AHR: variants seen among roughly 807,000 people sequenced by gnomAD.
AHR encodes the protein AH-receptor.
Under a neutral mutation model 86.8 loss-of-function variants are expected in AHR, and 40 were observed. The observed-to-expected ratio is 0.46, with a 90% CI of 0.36 to 0.60. AHR has a LOEUF of 0.60. Ranked by LOEUF, AHR falls within the 20% of genes least tolerant of loss-of-function variation. The pLI, the probability that AHR is intolerant of heterozygous loss-of-function variation, is 0.00. For missense variants in AHR, 1,001 were observed against 1,011.6 expected, an observed-to-expected ratio of 0.99 and a Z score of 0.14; for synonymous variants, 398 against 354.9, an observed-to-expected ratio of 1.12 and a Z score of -1.37.
At chr7:17,322,685 T>C (rs772549700) in intron 3 of AHR, 78 bp downstream of exon 3, 197 of 973,518 alleles carry the variant, frequency 2.0e-4, no homozygotes, top group Non-Finnish European at 2.9e-4. Context: ...TTTTAGTAAT[T>C]CCCTGTTTAC....
chr7:17,316,454 A>G (rs570548621), intron 2 of AHR, among the ~76,000 whole-genome samples: 23 of 152,262 alleles, frequency 1.5e-4, no homozygotes, highest in African/African-American at 5.3e-4. Context: ...CCTCGTCTCC[A>G]TACAAAATAA....
Position 17,327,839 on chromosome 7 carries a change from G to T in AHR, c.441G>T (p.Gly147=). Residue 147 remains glycine, a synonymous_variant, in exon 4 of 11, where the codon GGG becomes GGT. Coordinates refer to ENST00000242057, the MANE Select transcript of AHR (RefSeq NM_001621.5). ...YASSTIQDYL[G]FQQSDVIHQS... Reference sequence around the variant, plus strand: ...CTTCTACTATACAAGATTATCTAGGGTTTCAGCAGGTAAGTATATATTATT... The same window carrying T: ...CTTCTACTATACAAGATTATCTAGGTTTTCAGCAGGTAAGTATATATTATT... 2 of 1,478,916 alleles carry T rather than the reference G, an allele frequency of 1.4e-6. No individual in the cohort carries two copies. The highest frequency in any genetic ancestry group is 1.8e-6 in the Non-Finnish European group (2 of 1,083,974). 91.6% of individuals were successfully genotyped at this position (1,478,916 alleles called of 1,614,324 possible). A position where few individuals can be genotyped will look rare whatever the true frequency, so the allele number is the denominator to read the frequency against.
intron 10 of AHR, among the ~76,000 whole-genome samples, chr7:17,340,989 G>A (rs1488201428): frequency 1.3e-5 from 2 of 151,844 alleles, no homozygotes; most frequent in African/African-American, 4.8e-5. Flanking sequence ...AAAAAAAAAA[G>A]TTAACATAAT....
At chr7:17,328,844 T>G (rs960801187) in intron 4 of AHR, among the ~76,000 whole-genome samples, 15 of 151,936 alleles carry the variant, frequency 9.9e-5, no homozygotes, top group African/African-American at 3.6e-4. Context: ...ACTAGAAGAT[T>G]AGGTTCCTAG....
rs1009716325 is a variant in AHR, at chr7:17,328,373, T to C, written c.450+525T>C. On this transcript the variant is annotated intron_variant, in intron 4 of 10. Transcript: ENST00000242057. Reference sequence around the variant, plus strand: ...ACTGTAAGCATTAGACTGGAAGTCATTGAAGGAAACAGACGTGTCTGACTT... The same window carrying C: ...ACTGTAAGCATTAGACTGGAAGTCACTGAAGGAAACAGACGTGTCTGACTT... Among the ~76,000 whole-genome samples the C allele has an allele frequency of 3.3e-5, 5 of 151,964 alleles. No individual in the cohort carries two copies. In the East Asian group the frequency reaches 5.8e-4, roughly 18 times the overall value.
At chr7:17,323,046 G>A (rs980479164) in intron 3 of AHR, among the ~76,000 whole-genome samples, 1 of 152,044 alleles carries the variant, frequency 6.6e-6, no homozygotes, top group Non-Finnish European at 1.5e-5. Context: ...ATGTTTGCAT[G>A]ATGATGAAAA....
At chr7:17,328,067 C>T (rs1782247797) in intron 4 of AHR, among the ~76,000 whole-genome samples, 1 of 151,706 alleles carries the variant, frequency 6.6e-6, no homozygotes, top group African/African-American at 2.4e-5. Context: ...TCTTCTTTCG[C>T]TTATCAAGAA....
chr7:17,311,520 T>C (rs1461682048), intron 2 of AHR, among the ~76,000 whole-genome samples: 1 of 152,244 alleles, frequency 6.6e-6, no homozygotes, highest in Non-Finnish European at 1.5e-5. Context: ...TCTGATGTGT[T>C]TCGTCTGAGC....
chr7:17,327,662 T>C, intron 3 of AHR, 97 bp from the exon 4 acceptor site: 2 of 559,880 alleles, frequency 3.6e-6, no homozygotes, highest in South Asian at 7.5e-5. Flanking sequence ...TTTTAACTAT[T>C]TTGAAGAGAA....
intron 9 of AHR, among the ~76,000 whole-genome samples, chr7:17,338,651 TGGCCCCTAAATTCTC>T (rs1052152201): frequency 5.9e-5 from 9 of 152,196 alleles, no homozygotes; most frequent in African/African-American, 2.2e-4. Flanking sequence ...CCACCATGCC[TGGCCCCTAAATTCTC>T]GTAGTCTGTT....
At chr7:17,332,014 A>G (rs1381123276) in intron 6 of AHR, among the ~76,000 whole-genome samples, 1 of 151,964 alleles carries the variant, frequency 6.6e-6, no homozygotes, top group Non-Finnish European at 1.5e-5. Flanking sequence ...ATTAGTATGT[A>G]GAGTCATGTC....
At chr7:17,305,166 C>T (rs1584028901) in intron 1 of AHR, among the ~76,000 whole-genome samples, 1 of 152,100 alleles carries the variant, frequency 6.6e-6, no homozygotes, top group Non-Finnish European at 1.5e-5. Context: ...AAAGTGGCTT[C>T]CAGCCAGAAT....
intron 9 of AHR, 37 bp downstream of exon 9, chr7:17,335,823 G>A (rs374568960): frequency 2.5e-6 from 4 of 1,586,044 alleles, no homozygotes; most frequent in Non-Finnish European, 3.4e-6. Context: ...TAACAGTTTT[G>A]TTTTCATAAG....
chr7:17,333,867 A>G, intron 6 of AHR, 45 bp from the exon 7 acceptor site: 1 of 1,515,946 alleles, frequency 6.6e-7, no homozygotes, highest in Non-Finnish European at 9.1e-7. Context: ...ACTATTTTAT[A>G]TTGTTAATTT....
intron 2 of AHR, among the ~76,000 whole-genome samples, chr7:17,311,125 G>A (rs1390026780): frequency 6.6e-6 from 1 of 152,110 alleles, no homozygotes; most frequent in East Asian, 1.9e-4. Flanking sequence ...ATTTTCTCAT[G>A]TAAAATTAAT....
chr7:17,343,069 A>G lies in AHR; in HGVS notation c.*5A>G, dbSNP rs1197906854. The G allele has an allele frequency of 6.2e-7, 1 of 1,613,490 alleles. No individual in the cohort carries two copies. Among genetic ancestry groups the G allele is most frequent in the East Asian group, 2.2e-5 (1 of 44,862 alleles). On this transcript the variant is annotated 3_prime_UTR_variant, in exon 11 of 11. Transcript: ENST00000242057. ...ACATCCAGTGGATTCCTGTAATTCC[A>G]AGCCCAATTTTGACCCTGGTTTTTG...
chr7:17,309,109 A>T (rs1782035607), intron 1 of AHR, among the ~76,000 whole-genome samples: 1 of 152,186 alleles, frequency 6.6e-6, no homozygotes, highest in Middle Eastern at 3.2e-3. Flanking sequence ...GTGTGAAGTT[A>T]TTCAACTTTT....
At chr7:17,323,988 A>G (rs1359414533) in intron 3 of AHR, among the ~76,000 whole-genome samples, 1 of 152,214 alleles carries the variant, frequency 6.6e-6, no homozygotes, top group Non-Finnish European at 1.5e-5. Context: ...TTGACGTAAC[A>G]CTTGGCAAGT....
At chr7:17,324,514 T>C (rs1158091757) in intron 3 of AHR, among the ~76,000 whole-genome samples, 2 of 152,164 alleles carry the variant, frequency 1.3e-5, no homozygotes, top group African/African-American at 4.8e-5. Flanking sequence ...CAAAAATTTT[T>C]ATTAAAGGCC....
Sources: allele counts gnomAD v4.1 joint callset (sites outside exome capture counted in the v4.1 genomes callset), GRCh38; gene constraint gnomAD v4.1.1; transcripts MANE v1.5; gene names NCBI Gene and HGNC (gene_info 2026-07-23, HGNC 2026-07-21).